ARHGAP26: variants seen among roughly 807,000 people sequenced by gnomAD.
The protein encoded by ARHGAP26 is rho GTPase-activating protein 26.
In ARHGAP26, 38 loss-of-function variants were observed where a neutral mutation model predicts 104.8. The ratio of observed to expected loss-of-function variants is 0.36; its 90% CI spans 0.28 to 0.48. The LOEUF (loss-of-function observed/expected upper bound fraction) is 0.48. ARHGAP26 is among the 20% of genes least tolerant of loss of function. The pLI is 0.99. For synonymous variants in ARHGAP26, 341 were observed against 340.0 expected (o/e 1.00, Z -0.03); for missense variants, 704 against 947.9 (o/e 0.74, Z 3.38).
At chr5:143,026,867 G>A (rs929718997) in intron 12 of ARHGAP26, among the ~76,000 whole-genome samples, 3 of 152,182 alleles carry the variant, frequency 2.0e-5, no homozygotes, top group Non-Finnish European at 4.4e-5. Flanking sequence ...TCCAGGCAAA[G>A]GATGATGGCA....
In ARHGAP26 at chr5:143,159,004, G is replaced by A. The variant is rs576216291; in HGVS notation, c.1988+11623G>A. Among the ~76,000 whole-genome samples, 11 of 152,308 alleles carry A rather than the reference G, an allele frequency of 7.2e-5. No homozygotes were observed. In the South Asian group the frequency reaches 1.9e-3, roughly 26 times the overall value. On this transcript the variant is annotated intron_variant, in intron 20 of 22. Transcript: ENST00000645722. Reference sequence around the variant, plus strand: ...GTTTATTAACAAAAGAGTTGGTGCCGAGGAATCACAAGAGATAGTAGAGTA... The same window carrying A: ...GTTTATTAACAAAAGAGTTGGTGCCAAGGAATCACAAGAGATAGTAGAGTA...
intron 18 of ARHGAP26, among the ~76,000 whole-genome samples, chr5:143,132,682 G>A (rs945739874): frequency 1.3e-5 from 2 of 152,096 alleles, no homozygotes; most frequent in South Asian, 2.1e-4. Context: ...AGTGCCTGGT[G>A]TGGCAAGGAC....
At chr5:142,874,484 T>C (rs769564485) in intron 2 of ARHGAP26, among the ~76,000 whole-genome samples, 1 of 152,214 alleles carries the variant, frequency 6.6e-6, no homozygotes, top group Non-Finnish European at 1.5e-5. Context: ...AATGTATGGC[T>C]GCTTTTCCCA....
chr5:143,199,381 G>A (rs1378808690), intron 20 of ARHGAP26, among the ~76,000 whole-genome samples: 2 of 152,160 alleles, frequency 1.3e-5, no homozygotes, highest in Non-Finnish European at 2.9e-5. Context: ...GTGTCATTTG[G>A]TCTGGTTCAC....
At chr5:142,901,597 C>A (rs985277238) in intron 6 of ARHGAP26, among the ~76,000 whole-genome samples, 9 of 152,222 alleles carry the variant, frequency 5.9e-5, no homozygotes, top group Non-Finnish European at 1.3e-4. Flanking sequence ...GTGAGGCCCA[C>A]AGGGCAAGGG....
chr5:143,118,496 C>G (rs981224046), intron 17 of ARHGAP26, among the ~76,000 whole-genome samples: 1 of 152,196 alleles, frequency 6.6e-6, no homozygotes, highest in African/African-American at 2.4e-5. Context: ...GCAGGCCAGG[C>G]ACAGTGGCTC....
At chr5:142,843,324 T>C (rs1287205213) in intron 1 of ARHGAP26, among the ~76,000 whole-genome samples, 1 of 152,206 alleles carries the variant, frequency 6.6e-6, no homozygotes, top group Non-Finnish European at 1.5e-5. Flanking sequence ...CCTGTGTCTT[T>C]CTGACACTGA....
intron 1 of ARHGAP26, among the ~76,000 whole-genome samples, chr5:142,843,976 A>G (rs1241319478): frequency 6.6e-6 from 1 of 151,058 alleles, no homozygotes; most frequent in Non-Finnish European, 1.5e-5. Context: ...GTCTCCTTCC[A>G]TTGTTGTGGG....
chr5:142,963,181 T>TATACAC (rs1371763366), intron 11 of ARHGAP26, among the ~76,000 whole-genome samples: 12 of 111,570 alleles, frequency 1.1e-4, no homozygotes, highest in South Asian at 9.2e-4. Flanking sequence ...TGTATATATA[T>TATACAC]ATATATATAT....
intron 17 of ARHGAP26, among the ~76,000 whole-genome samples, chr5:143,094,794 A>G (rs13186593): frequency 0.84 from 126,990 of 151,980 alleles, 54,375 homozygotes; most frequent in Non-Finnish European, 0.93. Context: ...GTTTGGGGGG[A>G]AAATGGCTAT....
At chr5:142,771,077 A>T in intron 1 of ARHGAP26, 162 bp downstream of exon 1, 1 of 1,369,152 alleles carries the variant, frequency 7.3e-7, no homozygotes, top group Admixed American at 3.3e-5. Context: ...AAAGCGGGCG[A>T]ACCAGCAACC....
chr5:142,780,603 G>A (rs1757294768), intron 1 of ARHGAP26, among the ~76,000 whole-genome samples: 1 of 152,190 alleles, frequency 6.6e-6, no homozygotes. Flanking sequence ...AAAAGCCACA[G>A]CAAAAATCAT....
intron 17 of ARHGAP26, among the ~76,000 whole-genome samples, chr5:143,116,062 T>G (rs1795399476): frequency 6.6e-6 from 1 of 152,166 alleles, no homozygotes; most frequent in Non-Finnish European, 1.5e-5. Flanking sequence ...CCTGAAAACT[T>G]TTGTTTCTGA....
chr5:142,930,932 C>T (rs712175), intron 10 of ARHGAP26, among the ~76,000 whole-genome samples: 68,621 of 151,914 alleles, frequency 0.45, 18,082 homozygotes, highest in East Asian at 0.91. Context: ...CATATGGGGC[C>T]CAGGCTTGTG....
At chr5:142,777,328 C>A (rs1467958383) in intron 1 of ARHGAP26, among the ~76,000 whole-genome samples, 2 of 152,224 alleles carry the variant, frequency 1.3e-5, no homozygotes, top group African/African-American at 2.4e-5. Context: ...GCCACACAGG[C>A]TGGACTTCCT....
chr5:142,996,888 G>T (rs1460079979), intron 11 of ARHGAP26, among the ~76,000 whole-genome samples: 1 of 151,960 alleles, frequency 6.6e-6, no homozygotes, highest in Non-Finnish European at 1.5e-5. Context: ...GAGTAAAGAG[G>T]TCCAAGGAGG....
intron 11 of ARHGAP26, among the ~76,000 whole-genome samples, chr5:143,004,634 A>G (rs1406054509): frequency 6.6e-6 from 1 of 152,106 alleles, no homozygotes; most frequent in African/African-American, 2.4e-5. Context: ...TGGGGACTCC[A>G]CCCTGACCTT....
chr5:142,910,533 G>T (rs1010936905), intron 9 of ARHGAP26, among the ~76,000 whole-genome samples: 9 of 152,234 alleles, frequency 5.9e-5, no homozygotes, highest in African/African-American at 1.2e-4. Context: ...GAGGTCAGGA[G>T]TTCAAGACCA....
intron 11 of ARHGAP26, among the ~76,000 whole-genome samples, chr5:142,947,288 T>G (rs988435650): frequency 1.3e-5 from 2 of 152,114 alleles, no homozygotes; most frequent in Admixed American, 1.3e-4. Context: ...GGTAAATTGA[T>G]GTGGACTTTT....
Sources: gnomAD v4.1 joint callset for allele counts (sites outside exome capture counted in the v4.1 genomes callset) on GRCh38, gnomAD v4.1.1 for gene constraint, MANE v1.5 for transcripts, NCBI Gene and HGNC (gene_info 2026-07-23, HGNC 2026-07-21) for gene names.